CASK: variants seen among roughly 807,000 people sequenced by gnomAD.
The protein encoded by CASK is calcium/calmodulin dependent serine protein kinase, also known as peripheral plasma membrane protein CASK.
Under a neutral mutation model 82.9 loss-of-function variants are expected in CASK, and 4 were observed. That is an observed-to-expected ratio of 0.05 (90% confidence interval 0.02 to 0.11). The LOEUF is 0.11. Among genes scored for constraint, CASK ranks in the 10% least tolerant of loss-of-function variants. CASK has a pLI of 1.00. For missense variants in CASK, 358 were observed against 720.9 expected (o/e 0.50, Z 5.76); for synonymous variants, 259 against 253.5 (o/e 1.02, Z -0.20).
At chrX:41,649,204 C>T (rs1406962763) in intron 8 of CASK, among the ~76,000 whole-genome samples, 1 of 111,165 alleles carries the variant, frequency 9.0e-6, no homozygotes, top group South Asian at 3.8e-4. Flanking sequence ...AAAACCAGCT[C>T]CTGGATTCAT....
At chrX:41,915,990 A>AACAC (rs200862362) in intron 1 of CASK, among the ~76,000 whole-genome samples, 189 of 105,263 alleles carry the variant, frequency 1.8e-3, no homozygotes, top group African/African-American at 5.2e-3. Context: ...TCCGTCTCAA[A>AACAC]ACACACACAC....
chrX:41,597,181 A>G (rs746457697), intron 12 of CASK, among the ~76,000 whole-genome samples: 4 of 112,294 alleles, frequency 3.6e-5, no homozygotes, highest in Middle Eastern at 4.6e-3. Flanking sequence ...CATGGTAAGA[A>G]GCTATAAAAT....
intron 2 of CASK, among the ~76,000 whole-genome samples, chrX:41,808,639 C>T (rs920913744): frequency 4.5e-5 from 5 of 112,168 alleles, no homozygotes; most frequent in East Asian, 2.8e-4. Flanking sequence ...CAGCTCCCAG[C>T]GTGAGCGACG....
intron 2 of CASK, among the ~76,000 whole-genome samples, chrX:41,822,557 CAAA>C (rs61374081): frequency 8.5e-4 from 43 of 50,676 alleles, no homozygotes; most frequent in African/African-American, 8.0e-4. Flanking sequence ...GACTCCGTCT[CAAA>C]AAAAAAAAAA....
chrX:41,581,688 A>G, intron 14 of CASK, among the ~76,000 whole-genome samples: 1 of 109,963 alleles, frequency 9.1e-6, no homozygotes, highest in Non-Finnish European at 1.9e-5. Flanking sequence ...CCATGATTTT[A>G]AAAACGCTTA....
chrX:41,858,520 T>C (rs1338773064), intron 1 of CASK, among the ~76,000 whole-genome samples: 2 of 111,383 alleles, frequency 1.8e-5, no homozygotes, highest in Non-Finnish European at 3.8e-5. Flanking sequence ...AAATTCCTGC[T>C]GGGTGCTCAG....
chrX:41,602,253 C>T (rs2065903729), intron 12 of CASK, among the ~76,000 whole-genome samples: 1 of 111,882 alleles, frequency 8.9e-6, no homozygotes. Context: ...AACAGTATAT[C>T]TCTGCTCATT....
intron 8 of CASK, among the ~76,000 whole-genome samples, chrX:41,657,860 T>G (rs1441189740): frequency 1.8e-5 from 2 of 111,713 alleles, no homozygotes; most frequent in Non-Finnish European, 3.8e-5. Context: ...AGATGTCTGA[T>G]GGCTGGCAGC....
At chrX:41,618,901 A>T (rs1470461769) in intron 11 of CASK, among the ~76,000 whole-genome samples, 1 of 96,306 alleles carries the variant, frequency 1.0e-5, no homozygotes, top group Non-Finnish European at 2.0e-5. Context: ...ATCTCGGCTC[A>T]CTGCAAGCTC....
At chrX:41,764,810 A>G (rs901807562) in intron 3 of CASK, among the ~76,000 whole-genome samples, 30 of 111,711 alleles carry the variant, frequency 2.7e-4, no homozygotes, top group African/African-American at 9.8e-4. Context: ...GTAGCCAAAA[A>G]AAAACAACCT....
rs183720453 is a variant in CASK at position 41,820,218 on chromosome X, T to G, written c.172+32897A>C. Reference sequence around the variant, plus strand: ...AGGGCATAAAGGTAAGAAAAAGAAATAAAAGGGATACAGAATGGACAGAAA... The same window carrying G: ...AGGGCATAAAGGTAAGAAAAAGAAAGAAAAGGGATACAGAATGGACAGAAA... On this transcript the variant is annotated intron_variant, in intron 2 of 26. Transcript: ENST00000378163. 8.5e-4 allele frequency among the ~76,000 whole-genome samples: 92 copies of G among 107,819 alleles called. 1 individual carries two copies. The highest frequency in any genetic ancestry group is 8.2e-3 in the Admixed American group (83 of 10,124). The allele number at this position is 107,819 out of a possible 115,157, so 93.6% of individuals were successfully genotyped here.
chrX:41,702,721 C>T (rs904350972), intron 5 of CASK, among the ~76,000 whole-genome samples: 1 of 111,588 alleles, frequency 9.0e-6, no homozygotes, highest in Admixed American at 9.5e-5. Flanking sequence ...TTGAACCTGG[C>T]AGGTGGAGGT....
Position 41,605,820 on chromosome X carries a change from A to G in CASK, c.1155+4084T>C, listed in dbSNP as rs1217271010. Among the ~76,000 whole-genome samples, 8 of 110,578 alleles carry G rather than the reference A, an allele frequency of 7.2e-5. No individual in the cohort carries two copies. In the East Asian group the frequency reaches 1.7e-3, roughly 24 times the overall value. ...CAGCCTCCCAAGTAGCTGGGACTAC[A>G]GGCATGCGCCACCATGCCTAGCTAA... is the stretch of plus-strand genomic sequence containing the variant. On this transcript the variant is annotated intron_variant, in intron 12 of 26. Transcript: ENST00000378163.
intron 11 of CASK, among the ~76,000 whole-genome samples, chrX:41,617,866 CTA>C (rs1409053251): frequency 8.9e-6 from 1 of 112,405 alleles, no homozygotes; most frequent in African/African-American, 3.2e-5. Flanking sequence ...TATAAAATAA[CTA>C]TTTTTCTCAA....
intron 15 of CASK, chrX:41,571,044 A>G (rs956519399): frequency 4.5e-5 from 5 of 111,798 alleles, no homozygotes; most frequent in African/African-American, 1.6e-4. Flanking sequence ...TAACCTTTTC[A>G]TATATTGTTG....
chrX:41,770,055 T>C (rs1277461274), intron 3 of CASK, among the ~76,000 whole-genome samples: 2 of 110,905 alleles, frequency 1.8e-5, no homozygotes, highest in Non-Finnish European at 3.8e-5. Flanking sequence ...ATAAGGTACA[T>C]GAAGGGATAA....
chrX:41,833,185 C>T (rs1368387986), intron 2 of CASK, among the ~76,000 whole-genome samples: 2 of 111,428 alleles, frequency 1.8e-5, no homozygotes, highest in South Asian at 3.8e-4. Flanking sequence ...CCTTGAATAA[C>T]GAGGCTTAAC....
chrX:41,627,584 T>C (rs1304985826), intron 9 of CASK, among the ~76,000 whole-genome samples: 1 of 111,757 alleles, frequency 8.9e-6, no homozygotes, highest in African/African-American at 3.3e-5. Flanking sequence ...GAGTCTCTAG[T>C]GTCCATTATA....
chrX:41,865,832 C>T (rs1278550690), intron 1 of CASK, among the ~76,000 whole-genome samples: 5 of 111,769 alleles, frequency 4.5e-5, no homozygotes, highest in African/African-American at 1.6e-4. Flanking sequence ...CCCACTCAAT[C>T]CCTGCTGATG....
Sources: gnomAD v4.1 joint callset for allele counts (sites outside exome capture counted in the v4.1 genomes callset) on GRCh38, gnomAD v4.1.1 for gene constraint, MANE v1.5 for transcripts, NCBI Gene and HGNC (gene_info 2026-07-23, HGNC 2026-07-21) for gene names.